The following DZANK1 variants were observed in gnomAD, a reference collection of about 807,000 sequenced individuals.
DZANK1 encodes the protein double zinc ribbon and ankyrin repeat-containing protein 1.
In DZANK1, 91 loss-of-function variants were observed where a neutral mutation model predicts 94.5. That is an observed-to-expected ratio of 0.96 (90% confidence interval 0.81 to 1.15). The LOEUF is 1.15. Among genes scored for constraint, DZANK1 ranks in the 50% most tolerant of loss-of-function variants. The pLI is 0.00. For missense variants in DZANK1, 903 were observed against 916.4 expected, an observed-to-expected ratio of 0.99 and a Z score of 0.19; for synonymous variants, 312 against 325.3, an observed-to-expected ratio of 0.96 and a Z score of 0.44.
chr20:18,418,111 A>C (rs1280400753), intron 10 of DZANK1, among the ~76,000 whole-genome samples: 1 of 152,102 alleles, frequency 6.6e-6, no homozygotes, highest in Non-Finnish European at 1.5e-5. Context: ...CTGATAATAC[A>C]TGAAGGCAGT....
At chr20:18,390,564 A>T in intron 17 of DZANK1, 105 bp from the exon 18 acceptor site, 10 of 1,050,660 alleles carry the variant, frequency 9.5e-6, no homozygotes, top group Non-Finnish European at 1.5e-5. Context: ...ACAGGTGACT[A>T]TGAGTGTGTG....
At chr20:18,400,670 A>C (rs1011697871) in intron 13 of DZANK1, among the ~76,000 whole-genome samples, 5 of 152,224 alleles carry the variant, frequency 3.3e-5, no homozygotes, top group African/African-American at 1.2e-4. Flanking sequence ...TGGAGAGTCC[A>C]CTATGAGTAA....
intron 11 of DZANK1, 40 bp downstream of exon 11, chr20:18,415,287 A>G (rs769363605): frequency 7.0e-7 from 1 of 1,429,428 alleles, no homozygotes. Context: ...GCCAGTGGTG[A>G]GGTGCTCAGT....
intron 7 of DZANK1, among the ~76,000 whole-genome samples, chr20:18,447,867 C>T (rs2148716062): frequency 6.6e-6 from 1 of 152,212 alleles, no homozygotes; most frequent in African/African-American, 2.4e-5. Context: ...GGAACAATCA[C>T]TTTGGAAAGC....
At chr20:18,402,452 G>C (rs1023281881) in intron 13 of DZANK1, among the ~76,000 whole-genome samples, 2 of 152,106 alleles carry the variant, frequency 1.3e-5, no homozygotes, top group African/African-American at 4.8e-5. Flanking sequence ...ATAAGGGAAT[G>C]CCTCAAGTGA....
At position 18,422,799 on chromosome 20, in the gene DZANK1, C is replaced by CT. The variant is rs55683540; in HGVS notation, c.954+4267dup. ...GAAGTGTGATGTCTCTGGCTTTGTT[C>CT]TTTTTTTTTTTTTTTCTCAAAATTG... is the stretch of plus-strand genomic sequence containing the variant. On this transcript the variant is annotated intron_variant, in intron 10 of 20. Coordinates refer to ENST00000262547, the Ensembl canonical transcript of DZANK1. Among the ~76,000 whole-genome samples, 81 of 124,822 alleles carry CT rather than the reference C, an allele frequency of 6.5e-4. 1 individual carries two copies. Among genetic ancestry groups the CT allele is most frequent in the East Asian group, 4.0e-3 (18 of 4,474 alleles). 81.9% of individuals were successfully genotyped at this position (124,822 alleles called of 152,430 possible). A position where few individuals can be genotyped will look rare whatever the true frequency, so the allele number is the denominator to read the frequency against.
chr20:18,453,829 T>G lies in DZANK1; in HGVS notation c.379-2A>C. ...TCCAACAAATCCATTTTTGAATTCC[T>G]AGGAATGAAGAGATTGCATATCAAT... On this transcript the variant is annotated splice_acceptor_variant, in intron 4 of 20. Coordinates refer to ENST00000262547, the Ensembl canonical transcript of DZANK1. LOFTEE classifies it high-confidence loss of function. 2 of 1,553,792 alleles carry G rather than the reference T, an allele frequency of 1.3e-6. No individual in the cohort carries two copies.
exon 16 of DZANK1, chr20:18,394,328 A>G: frequency 6.2e-7 from 1 of 1,613,730 alleles, no homozygotes; most frequent in Non-Finnish European, 8.5e-7. Context: ...GCTGAAATTC[A>G]CTGCCTTGTT....
chr20:18,414,712 T>A (rs2057406115), intron 11 of DZANK1, among the ~76,000 whole-genome samples, 200 bp from the exon 12 acceptor site: 1 of 151,958 alleles, frequency 6.6e-6, no homozygotes, highest in African/African-American at 2.4e-5. Context: ...TTAAAAGAAA[T>A]CACTGAAAAC....
At chr20:18,398,626 C>T (rs1361437864) in exon 14 of DZANK1, 1 of 1,613,704 alleles carries the variant, frequency 6.2e-7, no homozygotes, top group South Asian at 1.1e-5. Flanking sequence ...TCTCCAGTAC[C>T]CTAAGAAAGA....
chr20:18,440,047 GGTTGT>G (rs2058671729), intron 8 of DZANK1, among the ~76,000 whole-genome samples: 2 of 152,108 alleles, frequency 1.3e-5, no homozygotes, highest in Non-Finnish European at 1.5e-5. Context: ...GAGACACCAG[GGTTGT>G]GTACCCAGAG....
intron 1 of DZANK1, among the ~76,000 whole-genome samples, chr20:18,466,112 T>G (rs2059640912): frequency 6.6e-6 from 1 of 152,116 alleles, no homozygotes; most frequent in Non-Finnish European, 1.5e-5. Context: ...GCACAGAAGG[T>G]TTCAGGGGGA....
chr20:18,423,987 T>C (rs1472596167), intron 10 of DZANK1, among the ~76,000 whole-genome samples: 1 of 152,062 alleles, frequency 6.6e-6, no homozygotes, highest in East Asian at 1.9e-4. Flanking sequence ...AGCTAGTTCT[T>C]TGAAAAGATC....
chr20:18,447,509 G>A (rs1601098298), intron 7 of DZANK1, among the ~76,000 whole-genome samples: 1 of 151,684 alleles, frequency 6.6e-6, no homozygotes, highest in South Asian at 2.1e-4. Flanking sequence ...TGTATTTTTA[G>A]TAGAGATGGG....
intron 5 of DZANK1, among the ~76,000 whole-genome samples, chr20:18,453,270 AAC>A (rs2059168341): frequency 2.0e-5 from 3 of 152,216 alleles, no homozygotes; most frequent in Non-Finnish European, 4.4e-5. Flanking sequence ...ATCATTTCTG[AAC>A]ACAGTGTTCC....
chr20:18,403,641 A>G (rs1397162291), intron 13 of DZANK1, among the ~76,000 whole-genome samples: 1 of 152,192 alleles, frequency 6.6e-6, no homozygotes, highest in African/African-American at 2.4e-5. Flanking sequence ...AACAGCTAAG[A>G]AGAGCCCTCC....
At chr20:18,444,483 T>G (rs894637216) in intron 7 of DZANK1, among the ~76,000 whole-genome samples, 4 of 152,210 alleles carry the variant, frequency 2.6e-5, no homozygotes, top group Admixed American at 1.3e-4. Context: ...TTCAGAATTT[T>G]GCAGAGGGTC....
At chr20:18,433,749 T>C (rs1331159481) in exon 9 of DZANK1, 2 of 1,614,008 alleles carry the variant, frequency 1.2e-6, no homozygotes, top group Non-Finnish European at 1.7e-6. Context: ...GCTTCTGCAT[T>C]CTGCACACAA....
intron 13 of DZANK1, among the ~76,000 whole-genome samples, chr20:18,404,274 G>A (rs185510761): frequency 1.3e-5 from 2 of 152,218 alleles, no homozygotes; most frequent in Middle Eastern, 3.4e-3. Context: ...AGTCCGTGAA[G>A]CAATTTATGC....
Sources: allele counts gnomAD v4.1 joint callset (sites outside exome capture counted in the v4.1 genomes callset), GRCh38; gene constraint gnomAD v4.1.1; transcripts MANE v1.5; gene names NCBI Gene and HGNC (gene_info 2026-07-23, HGNC 2026-07-21).